The following CNIH3 variants were observed in gnomAD, a reference collection of about 807,000 sequenced individuals.
CNIH3 encodes protein cornichon homolog 3.
CNIH3 carries 14 observed loss-of-function variants against 24.1 expected under a neutral mutation model. The observed-to-expected ratio is 0.58, with a 90% confidence interval of 0.38 to 0.91. The LOEUF (loss-of-function observed/expected upper bound fraction) is 0.91, where lower values mean the gene tolerates loss of function less well. CNIH3 is among the 40% of genes least tolerant of loss of function. The pLI is 0.00. For missense variants in CNIH3, 178 were observed against 196.8 expected (o/e 0.90, Z 0.57); for synonymous variants, 68 against 73.8 (o/e 0.92, Z 0.40).
intron 3 of CNIH3, among the ~76,000 whole-genome samples, chr1:224,706,279 C>G (rs991703500): frequency 1.6e-4 from 24 of 152,138 alleles, no homozygotes; most frequent in African/African-American, 5.8e-4. Context: ...TTCTGATTAG[C>G]CTTAGTCCCA....
chr1:224,628,157 C>A (rs1226662417), intron 1 of CNIH3, among the ~76,000 whole-genome samples: 1 of 152,124 alleles, frequency 6.6e-6, no homozygotes, highest in African/African-American at 2.4e-5. Context: ...CCTGCTTCTA[C>A]GCTTCGCTCA....
chr1:224,569,666 C>T (rs1254614069), intron 4 of CNIH3, among the ~76,000 whole-genome samples: 2 of 152,156 alleles, frequency 1.3e-5, no homozygotes, highest in African/African-American at 4.8e-5. Flanking sequence ...TCTGGTTTTT[C>T]CATCATAGCC....
intron 3 of CNIH3, among the ~76,000 whole-genome samples, chr1:224,688,766 C>T (rs562144457): frequency 6.6e-6 from 1 of 151,816 alleles, no homozygotes; most frequent in East Asian, 1.9e-4. Flanking sequence ...CATGGTGAAA[C>T]CCCCACAAAT....
chr1:224,494,764 G>A (rs997187814), intron 1 of CNIH3, among the ~76,000 whole-genome samples: 3 of 152,198 alleles, frequency 2.0e-5, no homozygotes, highest in Admixed American at 2.0e-4. Context: ...GGTAAAGAGA[G>A]TATTTTTGAG....
intron 3 of CNIH3, among the ~76,000 whole-genome samples, chr1:224,610,216 G>A (rs185010227): frequency 1.3e-5 from 2 of 152,160 alleles, no homozygotes; most frequent in Non-Finnish European, 2.9e-5. Flanking sequence ...AATGCATTTT[G>A]ATGTACACTA....
intron 3 of CNIH3, among the ~76,000 whole-genome samples, chr1:224,552,592 A>AGATATAATG (rs1327404517): frequency 6.6e-6 from 1 of 151,854 alleles, no homozygotes; most frequent in Non-Finnish European, 1.5e-5. Context: ...TATCTCTCTT[A>AGATATAATG]GATATAATGA....
intron 1 of CNIH3, among the ~76,000 whole-genome samples, chr1:224,482,603 C>T (rs983702102): frequency 6.6e-6 from 1 of 151,870 alleles, no homozygotes. Flanking sequence ...TAGCTGTGCT[C>T]ATATCCAAGT....
At chr1:224,578,458 C>T (rs1681130830) in intron 4 of CNIH3, among the ~76,000 whole-genome samples, 1 of 152,082 alleles carries the variant, frequency 6.6e-6, no homozygotes, top group Admixed American at 6.6e-5. Context: ...TAAGGGTTTC[C>T]TTCACCATTA....
At chr1:224,732,234 A>G (rs1399263527) in intron 4 of CNIH3, among the ~76,000 whole-genome samples, 1 of 152,148 alleles carries the variant, frequency 6.6e-6, no homozygotes, top group African/African-American at 2.4e-5. Context: ...TGAACTGGAT[A>G]AGCCTTGGCC....
At chr1:224,663,924 T>C (rs1166025456) in intron 1 of CNIH3, among the ~76,000 whole-genome samples, 1 of 152,226 alleles carries the variant, frequency 6.6e-6, no homozygotes, top group Non-Finnish European at 1.5e-5. Context: ...GAACAGGGCC[T>C]TCTGGTCAAG....
chr1:224,601,260 C>T (rs1682196643), intron 3 of CNIH3, among the ~76,000 whole-genome samples: 2 of 152,152 alleles, frequency 1.3e-5, no homozygotes, highest in African/African-American at 4.8e-5. Context: ...TGCTCAGTGG[C>T]CTGCCAGCAC....
intron 3 of CNIH3, among the ~76,000 whole-genome samples, chr1:224,701,565 G>C (rs1023597323): frequency 2.0e-5 from 3 of 152,132 alleles, no homozygotes; most frequent in Admixed American, 6.5e-5. Context: ...CATCACATTA[G>C]GGGGTAGCGT....
At chr1:224,452,781 CAAAAAAA>C (rs1173499027) in intron 1 of CNIH3, among the ~76,000 whole-genome samples, 1 of 44,302 alleles carries the variant, frequency 2.3e-5, no homozygotes, top group Non-Finnish European at 4.1e-5. Context: ...AACTCTGTCT[CAAAAAAA>C]AAAAAAAAAA....
chr1:224,458,991 C>A lies in CNIH3; in HGVS notation n.203+24129C>A, dbSNP rs1675795226. 6.6e-6 allele frequency among the ~76,000 whole-genome samples: 1 copy of A among 152,102 alleles called. No homozygotes were observed. Among genetic ancestry groups the A allele is most frequent in the South Asian group, 2.1e-4 (1 of 4,824 alleles). ...TTATGTGGTCCTTGTACCCAGAGGC[C>A]CTGTTCAGCTCCAGTGATCAGCTCT... On this transcript the variant is annotated intron_variant and non_coding_transcript_variant, in intron 1 of 5. Transcript: ENST00000471578. The surrounding 1 kb of genome is among the most constrained non-coding windows in gnomAD (Gnocchi z 4.3).
At chr1:224,528,818 A>G (rs1678946017) in intron 2 of CNIH3, among the ~76,000 whole-genome samples, 1 of 152,246 alleles carries the variant, frequency 6.6e-6, no homozygotes, top group Non-Finnish European at 1.5e-5. Context: ...AATGTATTTG[A>G]CAATGTCCCA....
At chr1:224,472,764 T>C (rs1351856180) in intron 1 of CNIH3, among the ~76,000 whole-genome samples, 1 of 152,152 alleles carries the variant, frequency 6.6e-6, no homozygotes, top group Non-Finnish European at 1.5e-5. Flanking sequence ...AGACACCACC[T>C]GTTCCCCAAA....
chr1:224,703,866 G>A lies in CNIH3; in HGVS notation c.198+19023G>A, dbSNP rs2405525. Among the ~76,000 whole-genome samples, 65,505 of 152,048 alleles carry A rather than the reference G, an allele frequency of 0.43. 15,506 individuals carry two copies. Among genetic ancestry groups the A allele is most frequent in the Middle Eastern group, 0.57 (168 of 294 alleles). On this transcript the variant is annotated intron_variant, in intron 3 of 5. Transcript: ENST00000272133. This position sits in a 1 kb window ranked among gnomAD's most constrained non-coding sequence, Gnocchi z 4.2. ...CAGGTATTTAGGCAGAACAAGATGAGCACCTGCATATTCTCCCTGCAGCAC... is the reference window on the plus strand; with the variant it reads ...CAGGTATTTAGGCAGAACAAGATGAACACCTGCATATTCTCCCTGCAGCAC...
intron 1 of CNIH3, among the ~76,000 whole-genome samples, chr1:224,637,385 A>T (rs1185178558): frequency 3.4e-5 from 2 of 58,010 alleles, no homozygotes; most frequent in Admixed American, 1.5e-4. Context: ...CACCCTCCCC[A>T]CCCCCCAAGT....
chr1:224,520,840 CA>C (rs1451665199), intron 1 of CNIH3, among the ~76,000 whole-genome samples: 2 of 152,154 alleles, frequency 1.3e-5, no homozygotes, highest in Non-Finnish European at 2.9e-5. Flanking sequence ...AGAGTATATA[CA>C]GCTGTAAGAA....
Sources: gnomAD v4.1 joint callset for allele counts (sites outside exome capture counted in the v4.1 genomes callset) on GRCh38, gnomAD v4.1.1 for gene constraint, Gnocchi (gnomAD v3.1) non-coding constraint, MANE v1.5 for transcripts, NCBI Gene and HGNC (gene_info 2026-07-23, HGNC 2026-07-21) for gene names.